GBE1: variants seen among roughly 807,000 people sequenced by gnomAD.
The protein encoded by GBE1 is 1,4-alpha-glucan branching enzyme 1, also known as 1,4-alpha-glucan-branching enzyme.
A neutral mutation model predicts 88.8 loss-of-function variants in GBE1; 70 were observed. The observed-to-expected ratio is 0.79, with a 90% confidence interval of 0.65 to 0.96. GBE1 has a LOEUF of 0.96. Ranked by LOEUF, GBE1 falls within the 40% of genes least tolerant of loss-of-function variation. The pLI, the probability that GBE1 is intolerant of heterozygous loss-of-function variation, is 0.00. For synonymous variants in GBE1, 284 were observed against 300.1 expected (o/e 0.95, Z 0.56); for missense variants, 872 against 871.0 (o/e 1.00, Z -0.01).
chr3:81,699,602 G>A (rs1705656496), intron 2 of GBE1, among the ~76,000 whole-genome samples: 1 of 152,172 alleles, frequency 6.6e-6, no homozygotes, highest in South Asian at 2.1e-4. Flanking sequence ...AGAATTTGGA[G>A]TCTGACGTTC....
chr3:81,751,987 T>G (rs1351302258), intron 1 of GBE1, among the ~76,000 whole-genome samples: 1 of 152,208 alleles, frequency 6.6e-6, no homozygotes, highest in East Asian at 1.9e-4. Flanking sequence ...TTCAACTTTA[T>G]GCAAGAAATA....
At chr3:81,643,760 A>T (rs1353493600) in intron 6 of GBE1, among the ~76,000 whole-genome samples, 1 of 152,136 alleles carries the variant, frequency 6.6e-6, no homozygotes, top group Admixed American at 6.6e-5. Context: ...ATGATATGGT[A>T]CAGTGCTAAG....
intron 14 of GBE1, among the ~76,000 whole-genome samples, chr3:81,524,020 G>A (rs1321865279): frequency 6.6e-6 from 1 of 151,716 alleles, no homozygotes. Context: ...ACCTAGCAGT[G>A]GGATTGCTGG....
At chr3:81,632,144 T>C (rs894302093) in intron 7 of GBE1, among the ~76,000 whole-genome samples, 2 of 152,090 alleles carry the variant, frequency 1.3e-5, no homozygotes, top group Admixed American at 6.6e-5. Flanking sequence ...GAACTCATTC[T>C]TTTTTTATGG....
chr3:81,527,346 C>A lies in GBE1; in HGVS notation c.1934+7849G>T, dbSNP rs1183170743. Among the ~76,000 whole-genome samples the A allele has an allele frequency of 1.3e-4, 20 of 152,116 alleles. No homozygotes were observed. The South Asian group carries it at 3.9e-3, about 30-fold the overall frequency. ...ATGTCTAAAACACCAAAAGCAATGG[C>A]AACAAAAGCCAAAATTGACAAATGG... On this transcript the variant is annotated intron_variant, in intron 14 of 15. Transcript: ENST00000429644.
At chr3:81,628,645 T>G (rs1312940883) in intron 7 of GBE1, among the ~76,000 whole-genome samples, 1 of 150,464 alleles carries the variant, frequency 6.6e-6, no homozygotes, top group Non-Finnish European at 1.5e-5. Flanking sequence ...ATGACAAAAC[T>G]CAATTGAACA....
At chr3:81,613,050 A>C in intron 7 of GBE1, 1 of 683,158 alleles carries the variant, frequency 1.5e-6, no homozygotes, top group Non-Finnish European at 2.2e-6. Flanking sequence ...AGGGGAGGAA[A>C]GAGAGGAGGA....
chr3:81,685,362 G>A (rs924610211), intron 2 of GBE1, among the ~76,000 whole-genome samples: 1 of 151,886 alleles, frequency 6.6e-6, no homozygotes, highest in Non-Finnish European at 1.5e-5. Flanking sequence ...TTTTTCTCTT[G>A]TTCAAGGCTA....
chr3:81,668,273 A>G (rs1360646890), intron 3 of GBE1, among the ~76,000 whole-genome samples: 1 of 152,136 alleles, frequency 6.6e-6, no homozygotes, highest in Admixed American at 6.6e-5. Flanking sequence ...GCAAACCACC[A>G]TGGCACACGT....
chr3:81,591,981 G>C (rs1339984439), intron 8 of GBE1, among the ~76,000 whole-genome samples: 1 of 151,782 alleles, frequency 6.6e-6, no homozygotes, highest in Non-Finnish European at 1.5e-5. Flanking sequence ...TCTCATTTTT[G>C]ATGCTGTCGT....
chr3:81,516,034 C>T (rs761535503), intron 14 of GBE1, among the ~76,000 whole-genome samples: 11 of 151,742 alleles, frequency 7.2e-5, no homozygotes, highest in South Asian at 2.1e-4. Flanking sequence ...GATGTAGAAG[C>T]TGTAGCAAGT....
chr3:81,716,472 A>T (rs997080521), intron 1 of GBE1, among the ~76,000 whole-genome samples: 2 of 152,196 alleles, frequency 1.3e-5, no homozygotes, highest in African/African-American at 4.8e-5. Context: ...CACTGCTAAG[A>T]TCTTTCTAGG....
intron 1 of GBE1, among the ~76,000 whole-genome samples, chr3:81,753,864 C>G (rs1182241818): frequency 6.6e-6 from 1 of 152,112 alleles, no homozygotes; most frequent in East Asian, 1.9e-4. Flanking sequence ...CTTCAGAGCC[C>G]ACAACTTGGC....
At chr3:81,723,546 T>G (rs1706066628) in intron 1 of GBE1, among the ~76,000 whole-genome samples, 1 of 152,230 alleles carries the variant, frequency 6.6e-6, no homozygotes, top group Non-Finnish European at 1.5e-5. Context: ...AAATACATCT[T>G]AAATTACTTC....
chr3:81,750,969 C>A (rs909554814), intron 1 of GBE1, among the ~76,000 whole-genome samples: 6 of 151,496 alleles, frequency 4.0e-5, no homozygotes, highest in Admixed American at 6.6e-5. Flanking sequence ...TCAGCCACTG[C>A]GCCTGGCAAC....
chr3:81,554,118 G>A (rs556012320), intron 12 of GBE1, among the ~76,000 whole-genome samples: 1 of 152,038 alleles, frequency 6.6e-6, no homozygotes, highest in Non-Finnish European at 1.5e-5. Context: ...CCATTTTGAT[G>A]TTGCATGGAA....
intron 12 of GBE1, among the ~76,000 whole-genome samples, chr3:81,550,869 T>C (rs976181711): frequency 1.3e-5 from 2 of 152,224 alleles, no homozygotes; most frequent in African/African-American, 4.8e-5. Flanking sequence ...CCAGCAGCCC[T>C]TGGGGCTGCT....
chr3:81,553,256 G>T (rs1003785968), intron 12 of GBE1, among the ~76,000 whole-genome samples: 1 of 152,074 alleles, frequency 6.6e-6, no homozygotes, highest in Non-Finnish European at 1.5e-5. Flanking sequence ...TAGCTGTTTA[G>T]CCTCTTCAGA....
chr3:81,688,001 C>T (rs1308061001), intron 2 of GBE1, among the ~76,000 whole-genome samples: 3 of 152,196 alleles, frequency 2.0e-5, no homozygotes, highest in African/African-American at 7.2e-5. Context: ...CAGCTTCATT[C>T]CACACCAAAA....
Sources: allele counts gnomAD v4.1 joint callset (sites outside exome capture counted in the v4.1 genomes callset), GRCh38; gene constraint gnomAD v4.1.1; transcripts MANE v1.5; gene names NCBI Gene and HGNC (gene_info 2026-07-23, HGNC 2026-07-21).